Variants in USP32 observed in about 807,000 individuals in gnomAD.
The protein encoded by USP32 is ubiquitin carboxyl-terminal hydrolase 32.
Under a neutral mutation model 204.8 loss-of-function variants are expected in USP32, and 59 were observed. The observed-to-expected ratio is 0.29, with a 90% CI of 0.23 to 0.36. The LOEUF (loss-of-function observed/expected upper bound fraction) is 0.36, where lower values mean the gene tolerates loss of function less well. USP32 is among the 10% of genes least tolerant of loss of function. The pLI is 1.00. For synonymous variants in USP32, 517 were observed against 678.4 expected, an observed-to-expected ratio of 0.76 and a Z score of 3.70; for missense variants, 1,160 against 1,946.4, an observed-to-expected ratio of 0.60 and a Z score of 7.60.
At chr17:60,278,956 A>G (rs1477099886) in intron 5 of USP32, among the ~76,000 whole-genome samples, 2 of 152,226 alleles carry the variant, frequency 1.3e-5, no homozygotes, top group African/African-American at 4.8e-5. Flanking sequence ...AACTATGGAC[A>G]AAATGGAAAA....
At chr17:60,386,556 G>C (rs551748320) in intron 1 of USP32, among the ~76,000 whole-genome samples, 1 of 151,968 alleles carries the variant, frequency 6.6e-6, no homozygotes, top group Non-Finnish European at 1.5e-5. Flanking sequence ...TCCTTTTCTC[G>C]TCCTGAGAAA....
At position 60,209,427 on chromosome 17, in the gene USP32, C is replaced by T; in HGVS notation, c.2541G>A (p.Lys847=). ...CACTGTCCTTCAGTTCCACATATGG[C>T]TTTTCATGGACTCGATTAAGATCTT... ...LHEDLNRVHE[K]PYVELKDSDG... is the part of the protein sequence containing the mutation. The change falls in exon 22 of 34, where the codon AAG becomes AAA. Residue 847 remains lysine, a synonymous_variant. Transcript: ENST00000300896. The T allele has an allele frequency of 1.3e-6, 2 of 1,578,588 alleles. No homozygotes were observed. Among genetic ancestry groups the T allele is most frequent in the Non-Finnish European group, 1.7e-6 (2 of 1,166,314 alleles).
At position 60,305,774 on chromosome 17, in the gene USP32, G is replaced by C. The variant is rs73993249; in HGVS notation, c.187-4070C>G. Among the ~76,000 whole-genome samples, 320 of 152,300 alleles carry C rather than the reference G, an allele frequency of 2.1e-3. 1 individual carries two copies. Among genetic ancestry groups the C allele is most frequent in the African/African-American group, 7.4e-3 (306 of 41,554 alleles). On this transcript the variant is annotated intron_variant, in intron 2 of 33. Transcript: ENST00000300896. ...TTTAATACAAAGAGTAAAGCAGTGA[G>C]GGTAAAATTAAGGAAGAAATTTTGA... is the stretch of plus-strand genomic sequence containing the variant.
chr17:60,348,554 G>A (rs2088845346), intron 1 of USP32, among the ~76,000 whole-genome samples: 2 of 152,020 alleles, frequency 1.3e-5, no homozygotes, highest in Non-Finnish European at 2.9e-5. Context: ...GCAGGAGGAT[G>A]GCTTGAGACC....
chr17:60,265,419 G>A lies in USP32; in HGVS notation c.983C>T (p.Thr328Ile), dbSNP rs771103867. The A allele has an allele frequency of 6.2e-7, 1 of 1,602,134 alleles. No individual in the cohort carries two copies. Among genetic ancestry groups the A allele is most frequent in the East Asian group, 2.2e-5 (1 of 44,696 alleles). ...AGTTCTATCTAGACTCACCTTTGTG[G>A]TGTCATGTGCATTCAGTATGCCTTC... Reference protein sequence around the residue: ...IVEGILNAHDTTKMGHLTLED... With the variant: ...IVEGILNAHDITKMGHLTLED... The change falls in exon 9 of 34, where the codon ACC becomes ATC. Residue 328 changes from threonine (T) to isoleucine (I), a missense_variant. Around this residue, in one of 8 missense-constraint regions of USP32, gnomAD observed 536 missense variants for 680.9 expected, o/e 0.79. Transcript: ENST00000300896.
At position 60,211,501 on chromosome 17, in the gene USP32, C is replaced by T; in HGVS notation, c.2193G>A (p.Lys731=). ...CCAGATTGCTTAGACCTGTGGCTCC[C>T]TTTTCTGTGGGAACTGGAACAAACA... The part of the protein sequence containing the change: ...KIDRHKVPTE[K]GATGLSNLGN... Residue 731 remains lysine, a synonymous_variant, in exon 20 of 34, where the codon AAG becomes AAA. Coordinates refer to ENST00000300896, the MANE Select transcript of USP32 (RefSeq NM_032582.4). 1 of 1,611,670 alleles carries T rather than the reference C, an allele frequency of 6.2e-7. No individual in the cohort carries two copies. The highest frequency in any genetic ancestry group is 8.5e-7 in the Non-Finnish European group (1 of 1,179,180).
intron 2 of USP32, among the ~76,000 whole-genome samples, chr17:60,318,875 A>G (rs1258754931): frequency 1.3e-5 from 2 of 152,242 alleles, no homozygotes; most frequent in African/African-American, 4.8e-5. Context: ...ACTTTTTAAA[A>G]TAAGTTATTC....
intron 26 of USP32, among the ~76,000 whole-genome samples, chr17:60,204,746 G>A (rs192596754): frequency 6.6e-5 from 10 of 152,066 alleles, no homozygotes; most frequent in African/African-American, 2.4e-4. Flanking sequence ...TGGGAGTATA[G>A]ATGTGAGCCA....
At chr17:60,238,636 C>G (rs369262528) in intron 11 of USP32, among the ~76,000 whole-genome samples, 1 of 152,022 alleles carries the variant, frequency 6.6e-6, no homozygotes, top group African/African-American at 2.4e-5. Context: ...AACCCCGTCT[C>G]TACTAAAAAT....
chr17:60,340,920 C>A lies in USP32; in HGVS notation c.186+4561G>T, dbSNP rs527569402. Among the ~76,000 whole-genome samples the A allele has an allele frequency of 1.6e-4, 25 of 152,066 alleles. 1 individual carries two copies. In the East Asian group the frequency reaches 4.9e-3, roughly 30 times the overall value. On this transcript the variant is annotated intron_variant, in intron 2 of 33. Transcript: ENST00000300896. ...TCTGTAAAGGATTTTATTTCTCCTT[C>A]ACTTATGAAGCTCAGTTTGGCTAGA...
At chr17:60,267,855 G>C (rs549990187) in intron 7 of USP32, among the ~76,000 whole-genome samples, 3 of 150,150 alleles carry the variant, frequency 2.0e-5, no homozygotes, top group South Asian at 4.2e-4. Flanking sequence ...CTGTCTCCCA[G>C]GCTGGAGTGC....
intron 2 of USP32, among the ~76,000 whole-genome samples, chr17:60,317,404 G>A (rs777180691): frequency 6.0e-5 from 9 of 150,370 alleles, no homozygotes; most frequent in East Asian, 2.0e-4. Flanking sequence ...TAGTACCAGC[G>A]ACTCGGGAGG....
chr17:60,306,372 T>C (rs2087722648), intron 2 of USP32, among the ~76,000 whole-genome samples: 1 of 152,202 alleles, frequency 6.6e-6, no homozygotes, highest in South Asian at 2.1e-4. Flanking sequence ...GCGCAGTGGC[T>C]CATGCCTGTA....
chr17:60,192,367 G>A (rs1567754519), intron 28 of USP32, among the ~76,000 whole-genome samples: 2 of 152,252 alleles, frequency 1.3e-5, no homozygotes, highest in South Asian at 2.1e-4. Context: ...CTATGAATTT[G>A]GTATGGACTG....
At chr17:60,279,732 G>A (rs2086921489) in intron 5 of USP32, among the ~76,000 whole-genome samples, 1 of 151,548 alleles carries the variant, frequency 6.6e-6, no homozygotes, top group African/African-American at 2.4e-5. Flanking sequence ...AGCAAGTTGG[G>A]AGGCTGAGGT....
At chr17:60,228,860 G>A (rs1225768146) in intron 12 of USP32, among the ~76,000 whole-genome samples, 2 of 151,112 alleles carry the variant, frequency 1.3e-5, no homozygotes, top group African/African-American at 2.4e-5. Context: ...TAGAAATGGA[G>A]TCTTACTGTA....
chr17:60,359,821 A>T (rs1364345053), intron 1 of USP32, among the ~76,000 whole-genome samples: 1 of 152,106 alleles, frequency 6.6e-6, no homozygotes, highest in Admixed American at 6.6e-5. Flanking sequence ...TGAAAATAAT[A>T]GATAAATAAA....
At chr17:60,279,655 G>A (rs764019669) in intron 5 of USP32, among the ~76,000 whole-genome samples, 11 of 151,570 alleles carry the variant, frequency 7.3e-5, no homozygotes, top group Admixed American at 2.6e-4. Context: ...CGGGCAACAT[G>A]GTAAAACCCC....
At chr17:60,302,575 G>C (rs897640612) in intron 2 of USP32, among the ~76,000 whole-genome samples, 1 of 152,146 alleles carries the variant, frequency 6.6e-6, no homozygotes, top group Non-Finnish European at 1.5e-5. Flanking sequence ...GGTAAGTAGA[G>C]GAGTATCTGC....
Sources: gnomAD v4.1 joint callset for allele counts (sites outside exome capture counted in the v4.1 genomes callset) on GRCh38, gnomAD v4.1.1 for gene constraint, gnomAD v4.1.1 regional missense constraint, MANE v1.5 for transcripts, NCBI Gene and HGNC (gene_info 2026-07-23, HGNC 2026-07-21) for gene names.